The following SPINK8 variants were observed in gnomAD, a reference collection of about 807,000 sequenced individuals.
SPINK8 encodes the protein serine protease inhibitor Kazal-type 8.
A neutral mutation model predicts 14.4 loss-of-function variants in SPINK8; 12 were observed. The observed-to-expected ratio is 0.83, with a 90% confidence interval of 0.53 to 1.35. SPINK8 has a LOEUF of 1.35. SPINK8 is among the 40% of genes most tolerant of loss of function. The pLI is 0.00. For missense variants in SPINK8, 103 were observed against 117.0 expected, an observed-to-expected ratio of 0.88 and a Z score of 0.55; for synonymous variants, 32 against 37.6, an observed-to-expected ratio of 0.85 and a Z score of 0.55.
At chr3:48,318,770 G>A (rs2036028707) in intron 6 of SPINK8, among the ~76,000 whole-genome samples, 1 of 152,232 alleles carries the variant, frequency 6.6e-6, no homozygotes, top group Non-Finnish European at 1.5e-5. Flanking sequence ...GAAGGGGAGA[G>A]AGACTTAATT....
rs549604087 is a variant in SPINK8, at chr3:48,310,434, G to A, written c.240-488C>T. Among the ~76,000 whole-genome samples the A allele has an allele frequency of 6.6e-5, 10 of 151,340 alleles. No individual in the cohort carries two copies. In the South Asian group the frequency reaches 1.5e-3, roughly 22 times the overall value. On this transcript the variant is annotated intron_variant, in intron 6 of 7. Transcript: ENST00000434006. ...TATGACAAGTAAAGATACTGAATCA[G>A]TAATAAAAAATGTCCCGACAAACAC...
At chr3:48,317,998 C>T (rs1575343452) in intron 6 of SPINK8, among the ~76,000 whole-genome samples, 1 of 152,064 alleles carries the variant, frequency 6.6e-6, no homozygotes, top group East Asian at 1.9e-4. Flanking sequence ...CCTCAGCTTC[C>T]CAAAGTGTTG....
intron 4 of SPINK8, among the ~76,000 whole-genome samples, chr3:48,321,987 G>A (rs768013570): frequency 3.3e-5 from 5 of 151,856 alleles, no homozygotes; most frequent in Non-Finnish European, 5.9e-5. Context: ...TTATTTTCTT[G>A]ATTTTTTTGG....
chr3:48,330,344 C>G (rs927658404), intron 2 of SPINK8, among the ~76,000 whole-genome samples: 5 of 152,038 alleles, frequency 3.3e-5, no homozygotes, highest in African/African-American at 1.2e-4. Context: ...CATGGTGAGA[C>G]CCTGTCTCTA....
chr3:48,332,112 C>T (rs893367090), intron 2 of SPINK8, among the ~76,000 whole-genome samples: 2 of 152,176 alleles, frequency 1.3e-5, no homozygotes, highest in African/African-American at 2.4e-5. Context: ...CCTTGTAGAC[C>T]GCACTGGAAT....
intron 4 of SPINK8, among the ~76,000 whole-genome samples, chr3:48,321,418 G>C (rs1203728481): frequency 6.6e-6 from 1 of 151,490 alleles, no homozygotes; most frequent in South Asian, 2.1e-4. Context: ...TTTCATTAAG[G>C]CTTACATATT....
intron 6 of SPINK8, among the ~76,000 whole-genome samples, chr3:48,318,412 A>G (rs2036023398): frequency 6.6e-6 from 1 of 152,214 alleles, no homozygotes. Context: ...AAGTGCTGGG[A>G]TTACAGGCGT....
intron 4 of SPINK8, among the ~76,000 whole-genome samples, chr3:48,326,948 T>A (rs2036154531): frequency 6.6e-6 from 1 of 151,990 alleles, no homozygotes; most frequent in Non-Finnish European, 1.5e-5. Flanking sequence ...GTATGAACTA[T>A]GATATCTATA....
chr3:48,320,547 CA>C (rs60928111), intron 5 of SPINK8, among the ~76,000 whole-genome samples: 275 of 136,734 alleles, frequency 2.0e-3, no homozygotes, highest in Middle Eastern at 3.7e-3. Flanking sequence ...GACTCCGTCT[CA>C]AAAAAAAAAA....
intron 4 of SPINK8, among the ~76,000 whole-genome samples, chr3:48,323,484 C>T (rs1033582332): frequency 6.6e-6 from 1 of 152,146 alleles, no homozygotes; most frequent in Non-Finnish European, 1.5e-5. Flanking sequence ...TTCCTTTCTG[C>T]CTTTGGTGCC....
At chr3:48,327,951 T>C (rs1010033070) in intron 4 of SPINK8, among the ~76,000 whole-genome samples, 2 of 152,202 alleles carry the variant, frequency 1.3e-5, no homozygotes, top group Non-Finnish European at 2.9e-5. Context: ...TTCCACATAG[T>C]CTAATGAGTT....
rs1281459634 is a variant in SPINK8 at position 48,314,335 on chromosome 3, T to TA, written c.240-4390dup. Reference sequence around the variant, plus strand: ...TCAAGTTTTCCAGAATTCTGGGAATTAAAAAAAAAAAAATCAAACCATGCA... The same window carrying TA: ...TCAAGTTTTCCAGAATTCTGGGAATTAAAAAAAAAAAAAATCAAACCATGCA... On this transcript the variant is annotated intron_variant, in intron 6 of 7. Coordinates refer to ENST00000434006, the MANE Select transcript of SPINK8 (RefSeq NM_001080525.3). 5.7e-3 allele frequency among the ~76,000 whole-genome samples: 823 copies of TA among 144,550 alleles called. 6 individuals are homozygous for TA. The highest frequency in any genetic ancestry group is 6.6e-3 in the African/African-American group (264 of 39,718). The allele number at this position is 144,550 out of a possible 152,430, so 94.8% of individuals were successfully genotyped here.
intron 4 of SPINK8, among the ~76,000 whole-genome samples, chr3:48,326,380 G>C (rs1324326602): frequency 6.6e-6 from 1 of 152,204 alleles, no homozygotes; most frequent in Non-Finnish European, 1.5e-5. Flanking sequence ...GGCCAAGGCT[G>C]GCAGGTCACC....
At chr3:48,321,651 T>C (rs2036077271) in intron 4 of SPINK8, among the ~76,000 whole-genome samples, 1 of 151,698 alleles carries the variant, frequency 6.6e-6, no homozygotes, top group Non-Finnish European at 1.5e-5. Context: ...CTGTCTCTAC[T>C]AAAAATACAA....
chr3:48,317,814 A>G (rs1276923851), intron 6 of SPINK8, among the ~76,000 whole-genome samples: 1 of 152,052 alleles, frequency 6.6e-6, no homozygotes, highest in Non-Finnish European at 1.5e-5. Context: ...TGGCACGATC[A>G]TGGCTCACTG....
intron 6 of SPINK8, among the ~76,000 whole-genome samples, chr3:48,318,935 T>C (rs188534915): frequency 2.6e-5 from 4 of 152,346 alleles, no homozygotes; most frequent in Non-Finnish European, 5.9e-5. Flanking sequence ...TACAAACCCC[T>C]GCTCCTCACT....
At chr3:48,312,023 A>C (rs2035929090) in intron 6 of SPINK8, among the ~76,000 whole-genome samples, 1 of 152,088 alleles carries the variant, frequency 6.6e-6, no homozygotes, top group Non-Finnish European at 1.5e-5. Context: ...AGTGTCAGCT[A>C]CTTGGGAGGC....
chr3:48,310,495 A>AT (rs1560013929), intron 6 of SPINK8, among the ~76,000 whole-genome samples: 13 of 147,384 alleles, frequency 8.8e-5, no homozygotes, highest in African/African-American at 3.0e-4. Flanking sequence ...CCAAAAAAAA[A>AT]ATTTTTTTTT....
chr3:48,330,630 C>T lies in SPINK8; in HGVS notation c.-135-1356G>A, dbSNP rs569683557. Among the ~76,000 whole-genome samples the T allele has an allele frequency of 5.9e-5, 9 of 152,174 alleles. No individual in the cohort carries two copies. The South Asian group carries it at 1.2e-3, about 21-fold the overall frequency. On this transcript the variant is annotated intron_variant, in intron 2 of 7. Transcript: ENST00000434006. ...TGAATGCCTGGGTTTATATCCCGAT[C>T]ATTGTCCCTCCCCTGTGTTCTCAGG... is the stretch of plus-strand genomic sequence containing the variant.
Sources: allele counts gnomAD v4.1 joint callset (sites outside exome capture counted in the v4.1 genomes callset), GRCh38; gene constraint gnomAD v4.1.1; transcripts MANE v1.5; gene names NCBI Gene and HGNC (gene_info 2026-07-23, HGNC 2026-07-21).